ANO6: variants seen among roughly 807,000 people sequenced by gnomAD.
ANO6 encodes anoctamin 6, also known as anoctamin-6.
ANO6 carries 106 observed loss-of-function variants against 117.5 expected under a neutral mutation model. The ratio of observed to expected loss-of-function variants is 0.90; its 90% confidence interval spans 0.77 to 1.06. The LOEUF (loss-of-function observed/expected upper bound fraction) is 1.06, where lower values mean the gene tolerates loss of function less well. ANO6 is among the 50% of genes least tolerant of loss of function. ANO6 has a pLI of 0.00. For missense variants in ANO6, 955 were observed against 1,121.1 expected (o/e 0.85, Z 2.12); for synonymous variants, 367 against 385.1 (o/e 0.95, Z 0.55).
intron 12 of ANO6, among the ~76,000 whole-genome samples, chr12:45,399,105 G>A (rs879509429): frequency 6.6e-6 from 1 of 152,190 alleles, no homozygotes; most frequent in Admixed American, 6.5e-5. Flanking sequence ...CCTGGGCATG[G>A]TGGGTCTGGA....
chr12:45,403,309 A>G, intron 14 of ANO6, 68 bp downstream of exon 14: 1 of 1,562,790 alleles, frequency 6.4e-7, no homozygotes, highest in Non-Finnish European at 8.8e-7. Context: ...CCAAATGAAT[A>G]GTTTTTTATT....
At chr12:45,245,858 T>C (rs1947816969) in intron 1 of ANO6, among the ~76,000 whole-genome samples, 1 of 152,044 alleles carries the variant, frequency 6.6e-6, no homozygotes, top group Non-Finnish European at 1.5e-5. Flanking sequence ...CATGGCTGAT[T>C]ACTATGTCTA....
At position 45,331,332 on chromosome 12, in the gene ANO6, A is replaced by G; in HGVS notation, c.188A>G (p.Asn63Ser). 1.2e-6 allele frequency: 2 copies of G among 1,610,150 alleles called. No individual in the cohort carries two copies. Among genetic ancestry groups the G allele is most frequent in the Non-Finnish European group, 8.5e-7 (1 of 1,178,006 alleles). ...GGAAAACCTGACTCCCTCTTTTTTAATGATGGCCAGCGAAGAATTGACTTT... is the reference window on the plus strand; with the variant it reads ...GGAAAACCTGACTCCCTCTTTTTTAGTGATGGCCAGCGAAGAATTGACTTT... ...FNGKPDSLFF[N>S]DGQRRIDFVL... is the part of the protein sequence containing the mutation. Residue 63 changes from asparagine to serine, a missense_variant, in exon 3 of 20, where the codon AAT becomes AGT. By Grantham distance (46) the Asn-to-Ser change is conservative. Coordinates refer to ENST00000320560, the MANE Select transcript of ANO6 (RefSeq NM_001025356.3).
intron 1 of ANO6, among the ~76,000 whole-genome samples, chr12:45,223,989 AC>A (rs755761842): frequency 9.2e-5 from 14 of 151,884 alleles, no homozygotes; most frequent in Non-Finnish European, 1.5e-4. Context: ...ACTTTGAGAT[AC>A]CCCCAGTTAT....
At chr12:45,412,236 T>C (rs1284029305) in intron 16 of ANO6, among the ~76,000 whole-genome samples, 1 of 152,194 alleles carries the variant, frequency 6.6e-6, no homozygotes, top group African/African-American at 2.4e-5. Flanking sequence ...TTGTACTCAG[T>C]AATGTACTGC....
chr12:45,338,404 C>T (rs1444053706), intron 3 of ANO6, among the ~76,000 whole-genome samples: 2 of 152,030 alleles, frequency 1.3e-5, no homozygotes, highest in East Asian at 3.9e-4. Context: ...CTGGGAATGA[C>T]ATTTGCAACA....
At position 45,216,401 on chromosome 12, in the gene ANO6, G is replaced by A; in HGVS notation, c.70+10G>A. On this transcript the variant is annotated intron_variant, in intron 1 of 19. Transcript: ENST00000320560. ...GACGATGGGGATATCGGTGAGCGAGGGGTCCCCGCGTCCCCACCCGAGAGC... is the reference window on the plus strand; with the variant it reads ...GACGATGGGGATATCGGTGAGCGAGAGGTCCCCGCGTCCCCACCCGAGAGC... 1.2e-6 allele frequency: 2 copies of A among 1,609,454 alleles called. No homozygotes were observed. The highest frequency in any genetic ancestry group is 1.7e-6 in the Non-Finnish European group (2 of 1,178,252).
chr12:45,341,998 A>G (rs1461793764), intron 3 of ANO6, among the ~76,000 whole-genome samples: 1 of 152,144 alleles, frequency 6.6e-6, no homozygotes, highest in Non-Finnish European at 1.5e-5. Flanking sequence ...CCTTAAAACA[A>G]TCCCAAAATG....
At chr12:45,240,202 T>G (rs1360739904) in intron 1 of ANO6, among the ~76,000 whole-genome samples, 3 of 152,144 alleles carry the variant, frequency 2.0e-5, no homozygotes, top group Admixed American at 1.3e-4. Context: ...TGAATCTGGG[T>G]GCTCCTGTAT....
chr12:45,271,801 T>C (rs561296487), intron 1 of ANO6, among the ~76,000 whole-genome samples: 117 of 152,332 alleles, frequency 7.7e-4, no homozygotes, highest in African/African-American at 2.6e-3. Context: ...GAAAAATACA[T>C]AGTTAAAATT....
At chr12:45,426,140 G>T (rs1032753705) in intron 19 of ANO6, among the ~76,000 whole-genome samples, 1 of 152,062 alleles carries the variant, frequency 6.6e-6, no homozygotes, top group Non-Finnish European at 1.5e-5. Context: ...ATACCTTTAC[G>T]CAAAATTTTT....
intron 8 of ANO6, among the ~76,000 whole-genome samples, chr12:45,365,606 G>A (rs1266871608): frequency 6.6e-6 from 1 of 152,144 alleles, no homozygotes; most frequent in Admixed American, 6.5e-5. Context: ...ATGGGGTTTT[G>A]GGGGTAGCTT....
intron 12 of ANO6, 143 bp from the exon 13 acceptor site, chr12:45,401,652 C>G: frequency 1.4e-6 from 1 of 728,624 alleles, no homozygotes; most frequent in East Asian, 2.7e-5. Flanking sequence ...TTTAACATGC[C>G]AGACTTTCTA....
intron 10 of ANO6, among the ~76,000 whole-genome samples, chr12:45,380,927 A>G (rs34066087): frequency 0.016 from 2,499 of 152,288 alleles, 63 homozygotes; most frequent in East Asian, 0.097. Context: ...AGATCACACT[A>G]CTGCACTCCA....
chr12:45,241,783 C>G (rs1896021), intron 1 of ANO6, among the ~76,000 whole-genome samples: 150,394 of 152,352 alleles, frequency 0.99, 74,274 homozygotes, highest in Middle Eastern at 1. Flanking sequence ...CTTTCTATTT[C>G]TTAGTTTTCC....
chr12:45,270,433 G>A (rs1938357593), intron 1 of ANO6: 2 of 1,523,122 alleles, frequency 1.3e-6, no homozygotes, highest in Admixed American at 2.0e-5. Flanking sequence ...TTGGCCTGTT[G>A]TATTTATTGA....
At chr12:45,325,522 G>A (rs1940430996) in intron 2 of ANO6, among the ~76,000 whole-genome samples, 2 of 152,032 alleles carry the variant, frequency 1.3e-5, no homozygotes, top group South Asian at 4.2e-4. Context: ...CTTTTGTAAT[G>A]CTTTATTGGG....
chr12:45,216,466 G>T, intron 1 of ANO6, 75 bp downstream of exon 1: 1 of 1,519,748 alleles, frequency 6.6e-7, no homozygotes, highest in Admixed American at 1.9e-5. Context: ...CTGCGCGGGG[G>T]CGCTGTGCTC....
At chr12:45,314,535 T>G (rs1190352542) in intron 2 of ANO6, among the ~76,000 whole-genome samples, 1 of 151,090 alleles carries the variant, frequency 6.6e-6, no homozygotes, top group Non-Finnish European at 1.5e-5. Context: ...CTACCAAATA[T>G]ATATATACAC....
Sources: allele counts gnomAD v4.1 joint callset (sites outside exome capture counted in the v4.1 genomes callset), GRCh38; gene constraint gnomAD v4.1.1; transcripts MANE v1.5; gene names NCBI Gene and HGNC (gene_info 2026-07-23, HGNC 2026-07-21).